The following PPM1H variants were observed in gnomAD, a reference collection of about 807,000 sequenced individuals.
The protein encoded by PPM1H is protein phosphatase, Mg2+/Mn2+ dependent 1H.
A neutral mutation model predicts 54.9 loss-of-function variants in PPM1H; 27 were observed. The observed-to-expected ratio is 0.49, with a 90% confidence interval of 0.36 to 0.68. The LOEUF is 0.68. Ranked by LOEUF, PPM1H falls within the 30% of genes least tolerant of loss-of-function variation. PPM1H has a pLI of 0.00. For synonymous variants in PPM1H, 305 were observed against 270.8 expected, an observed-to-expected ratio of 1.13 and a Z score of -1.24; for missense variants, 596 against 667.8, an observed-to-expected ratio of 0.89 and a Z score of 1.19.
intron 6 of PPM1H, among the ~76,000 whole-genome samples, chr12:62,716,914 A>T (rs1284355970): frequency 7.2e-5 from 11 of 152,128 alleles, no homozygotes; most frequent in Non-Finnish European, 1.3e-4. Flanking sequence ...GAATTCATTA[A>T]AGTTGGGGGG....
chr12:62,914,367 C>A (rs1459191893), intron 1 of PPM1H, among the ~76,000 whole-genome samples: 1 of 152,166 alleles, frequency 6.6e-6, no homozygotes, highest in East Asian at 1.9e-4. Flanking sequence ...AATGTTTTTT[C>A]TTTAGAAATT....
At chr12:62,780,733 C>T (rs770295354) in intron 4 of PPM1H, among the ~76,000 whole-genome samples, 4 of 152,172 alleles carry the variant, frequency 2.6e-5, no homozygotes, top group African/African-American at 9.7e-5. Flanking sequence ...TTGTCTTACT[C>T]GGTTTCATAT....
At chr12:62,748,165 C>T (rs528794584) in intron 4 of PPM1H, among the ~76,000 whole-genome samples, 1 of 152,084 alleles carries the variant, frequency 6.6e-6, no homozygotes, top group South Asian at 2.1e-4. Context: ...ATGGCGTGAA[C>T]CCGGGAGGCG....
intron 1 of PPM1H, among the ~76,000 whole-genome samples, chr12:62,853,748 T>A (rs1869280604): frequency 6.6e-6 from 1 of 152,176 alleles, no homozygotes; most frequent in Non-Finnish European, 1.5e-5. Flanking sequence ...ATCCTCATCA[T>A]CACCCCCACA....
intron 8 of PPM1H, among the ~76,000 whole-genome samples, chr12:62,687,456 G>A (rs770724173): frequency 6.6e-6 from 1 of 151,990 alleles, no homozygotes; most frequent in Non-Finnish European, 1.5e-5. Flanking sequence ...TAAGAACAAG[G>A]GTCCTGCTAT....
chr12:62,766,191 G>A (rs1438492028), intron 4 of PPM1H, among the ~76,000 whole-genome samples: 3 of 152,114 alleles, frequency 2.0e-5, no homozygotes, highest in African/African-American at 7.2e-5. Flanking sequence ...TAGGTTTTTG[G>A]TTTAAGTTTA....
chr12:62,870,625 G>A (rs1243357952), intron 1 of PPM1H, among the ~76,000 whole-genome samples: 1 of 152,190 alleles, frequency 6.6e-6, no homozygotes, highest in Non-Finnish European at 1.5e-5. Context: ...TTCTGGCTTT[G>A]TCGACAGGAC....
chr12:62,700,733 T>C (rs911078201), intron 6 of PPM1H, among the ~76,000 whole-genome samples: 1 of 152,146 alleles, frequency 6.6e-6, no homozygotes, highest in African/African-American at 2.4e-5. Context: ...TTGAAAACTG[T>C]TCTGATTTTC....
chr12:62,659,242 T>C (rs888289367), intron 9 of PPM1H: 32 of 448,028 alleles, frequency 7.1e-5, no homozygotes, highest in Admixed American at 5.2e-4. Flanking sequence ...CATGTGCACA[T>C]TGTGTTCTAA....
At chr12:62,832,553 T>C (rs1228439584) in intron 1 of PPM1H, among the ~76,000 whole-genome samples, 1 of 152,190 alleles carries the variant, frequency 6.6e-6, no homozygotes, top group Admixed American at 6.5e-5. Flanking sequence ...AATACACTAA[T>C]CCATTTTAGT....
intron 1 of PPM1H, among the ~76,000 whole-genome samples, chr12:62,895,512 T>A (rs1024404164): frequency 4.0e-5 from 6 of 151,810 alleles, no homozygotes; most frequent in Admixed American, 2.0e-4. Context: ...GCCCTACTGC[T>A]ACGGTTTGCA....
In PPM1H at chr12:62,801,899, G is replaced by T; in HGVS notation, c.673C>A (p.Pro225Thr). 3 of 1,613,752 alleles carry T rather than the reference G, an allele frequency of 1.9e-6. No individual in the cohort carries two copies. Among genetic ancestry groups the T allele is most frequent in the South Asian group, 2.2e-5 (2 of 91,086 alleles). Residue 225 changes from proline (P) to threonine (T), a missense_variant, in exon 3 of 10, where the codon CCC becomes ACC. Pro to Thr is a conservative substitution (Grantham distance 38). Coordinates refer to ENST00000228705, the MANE Select transcript of PPM1H (RefSeq NM_020700.2). ...TTCTCGGTAAAGAAGCGTGTGGGGG[G>T]CGTGCTGGGGGAGCCCGGGGCCCCC... ...GVGAPGSPST[P>T]PTRFFTEKKI...
chr12:62,690,120 G>A (rs1475429079), intron 7 of PPM1H, among the ~76,000 whole-genome samples: 3 of 152,028 alleles, frequency 2.0e-5, no homozygotes, highest in Admixed American at 6.6e-5. Context: ...CAATGCATGC[G>A]TGACGTCTAC....
chr12:62,762,348 C>T (rs2076514305), intron 4 of PPM1H, among the ~76,000 whole-genome samples: 1 of 152,194 alleles, frequency 6.6e-6, no homozygotes, highest in African/African-American at 2.4e-5. Flanking sequence ...CCTCTGGGAA[C>T]TCCAGATAGC....
intron 4 of PPM1H, among the ~76,000 whole-genome samples, chr12:62,778,992 G>A (rs1357444946): frequency 6.7e-6 from 1 of 150,246 alleles, no homozygotes; most frequent in African/African-American, 2.4e-5. Flanking sequence ...AGGAAGGAAG[G>A]AAGAAAGAAA....
chr12:62,722,818 C>T (rs1056227166), intron 5 of PPM1H, among the ~76,000 whole-genome samples: 1 of 152,080 alleles, frequency 6.6e-6, no homozygotes, highest in Non-Finnish European at 1.5e-5. Flanking sequence ...CACAGAGTTG[C>T]GTTAAGTGTA....
chr12:62,806,476 G>A (rs1354673367), intron 2 of PPM1H, among the ~76,000 whole-genome samples: 6 of 152,154 alleles, frequency 3.9e-5, no homozygotes, highest in African/African-American at 7.2e-5. Flanking sequence ...TGACTGATAC[G>A]GTTTGGATTT....
chr12:62,886,799 A>C (rs1360260239), intron 1 of PPM1H, among the ~76,000 whole-genome samples: 3 of 152,214 alleles, frequency 2.0e-5, no homozygotes, highest in Non-Finnish European at 4.4e-5. Flanking sequence ...ATTTATGCAG[A>C]GAGAAAGGCA....
intron 1 of PPM1H, among the ~76,000 whole-genome samples, chr12:62,872,038 G>A (rs976287224): frequency 1.3e-5 from 2 of 152,138 alleles, no homozygotes; most frequent in South Asian, 2.1e-4. Context: ...ACAGCATTCA[G>A]TTTCTAGCCA....
Sources: gnomAD v4.1 joint callset for allele counts (sites outside exome capture counted in the v4.1 genomes callset) on GRCh38, gnomAD v4.1.1 for gene constraint, MANE v1.5 for transcripts, NCBI Gene and HGNC (gene_info 2026-07-23, HGNC 2026-07-21) for gene names.